RESF1: variants seen among roughly 807,000 people sequenced by gnomAD.
The protein encoded by RESF1 is retroelement silencing factor 1, also known as gonad expressed transcript.
Under a neutral mutation model 134.7 loss-of-function variants are expected in RESF1, and 65 were observed. The ratio of observed to expected loss-of-function variants is 0.48; its 90% CI spans 0.40 to 0.59. RESF1 has a LOEUF of 0.59. RESF1 is among the 20% of genes least tolerant of loss of function. The pLI is 0.00. For missense variants in RESF1, 2,274 were observed against 2,002.7 expected, an observed-to-expected ratio of 1.14 and a Z score of -2.59; for synonymous variants, 762 against 702.2, an observed-to-expected ratio of 1.09 and a Z score of -1.35.
In RESF1 at chr12:31,968,966, G is replaced by A. The variant is rs1939454575; in HGVS notation, c.-246-1223G>A. 2.6e-5 allele frequency among the ~76,000 whole-genome samples: 4 copies of A among 152,016 alleles called. 1 individual carries two copies. In the South Asian group the frequency reaches 8.3e-4, roughly 32 times the overall value. ...ACTTTTCTTTCCCTTTTTTGAGACA[G>A]ATCTTGCTGTGTCATCCAGGCTGGA... On this transcript the variant is annotated intron_variant, in intron 2 of 5. Transcript: ENST00000312561.
chr12:31,987,719 C>CTATT (rs72099377), intron 5 of RESF1, among the ~76,000 whole-genome samples: 2,392 of 147,840 alleles, frequency 0.016, 20 homozygotes, highest in South Asian at 0.031. Flanking sequence ...TTCTGATTAA[C>CTATT]TATTTATTTA....
At chr12:31,987,427 CTTT>C (rs58806380) in intron 5 of RESF1, 105 bp downstream of exon 5, 11 of 488,464 alleles carry the variant, frequency 2.3e-5, no homozygotes, top group Non-Finnish European at 2.7e-5. Flanking sequence ...TATCCATGTT[CTTT>C]TTTTTTTTTC....
In RESF1 at chr12:31,983,610, G is replaced by A. The variant is rs375061012; in HGVS notation, c.2655G>A (p.Val885=). The change falls in exon 4 of 6, where the codon GTG becomes GTA. Residue 885 remains valine, a synonymous_variant. Transcript: ENST00000312561. ...AGGAGTCAAGGAATAGTACTGTTGTGAGTAGTGATACATTACAGATTGACA... is the reference window on the plus strand; with the variant it reads ...AGGAGTCAAGGAATAGTACTGTTGTAAGTAGTGATACATTACAGATTGACA... The part of the protein sequence containing the change: ...ISQESRNSTV[V]SSDTLQIDNI... 9.3e-6 allele frequency: 15 copies of A among 1,613,966 alleles called. No individual in the cohort carries two copies. The African/African-American group carries it at 2.0e-4, about 22-fold the overall frequency.
chr12:31,972,859 T>C (rs1939543197), intron 3 of RESF1, among the ~76,000 whole-genome samples: 1 of 151,586 alleles, frequency 6.6e-6, no homozygotes, highest in Admixed American at 6.6e-5. Flanking sequence ...TTTATATAAT[T>C]ACATTTACCT....
At chr12:31,979,961 C>T (rs938380752) in intron 3 of RESF1, among the ~76,000 whole-genome samples, 1 of 151,866 alleles carries the variant, frequency 6.6e-6, no homozygotes, top group Non-Finnish European at 1.5e-5. Flanking sequence ...TTCCTGGTGA[C>T]CACCAGCTGT....
chr12:31,992,239 T>C, intron 5 of RESF1, 139 bp from the exon 6 acceptor site: 1 of 715,658 alleles, frequency 1.4e-6, no homozygotes, highest in Non-Finnish European at 2.4e-6. Flanking sequence ...AGTGAAGAGC[T>C]ATGGTTCTGA....
chr12:31,981,171 A>G lies in RESF1; in HGVS notation c.216A>G (p.Gln72=), dbSNP rs200670047. The stretch of plus-strand genomic sequence containing the variant: ...TGAATATCCAAAATTATCCTCAACA[A>G]ATTTCTGTTTCTGATATGCATAATG... ...PLLNIQNYPQ[Q]ISVSDMHNGT... is the part of the protein sequence containing the mutation. The change falls in exon 4 of 6, where the codon CAA becomes CAG. Residue 72 remains glutamine, a synonymous_variant. Coordinates refer to ENST00000312561, the MANE Select transcript of RESF1 (RefSeq NM_018169.4). 430 of 1,614,034 alleles carry G rather than the reference A, an allele frequency of 2.7e-4. 1 individual carries two copies. The highest frequency in any genetic ancestry group is 9.3e-4 in the South Asian group (85 of 91,064).
chr12:31,981,606 A>G lies in RESF1; in HGVS notation c.651A>G (p.Leu217=). Residue 217 remains leucine, a synonymous_variant, in exon 4 of 6, where the codon CTA becomes CTG. Coordinates refer to ENST00000312561, the MANE Select transcript of RESF1 (RefSeq NM_018169.4). The part of the protein sequence containing the change: ...TYPDYRPPPK[L]YRYSPQSFLP... Reference sequence around the variant, plus strand: ...CAGATTACAGACCACCTCCAAAGCTATACCGTTACTCACCACAAAGCTTTT... The same window carrying G: ...CAGATTACAGACCACCTCCAAAGCTGTACCGTTACTCACCACAAAGCTTTT... The G allele has an allele frequency of 1.2e-6, 2 of 1,614,176 alleles. No homozygotes were observed. The highest frequency in any genetic ancestry group is 1.1e-5 in the South Asian group (1 of 91,080).
At chr12:31,968,739 C>T (rs1048745239) in intron 2 of RESF1, among the ~76,000 whole-genome samples, 5 of 152,290 alleles carry the variant, frequency 3.3e-5, no homozygotes, top group African/African-American at 7.2e-5. Flanking sequence ...TGAGCCACCG[C>T]GCCCGGCCTA....
At chr12:31,963,918 C>G (rs1939336141) in intron 2 of RESF1, among the ~76,000 whole-genome samples, 1 of 152,174 alleles carries the variant, frequency 6.6e-6, no homozygotes, top group Non-Finnish European at 1.5e-5. Flanking sequence ...GCCACTTTTG[C>G]TTATTCTTCC....
chr12:31,986,735 A>T (rs1939979544), intron 4 of RESF1, among the ~76,000 whole-genome samples: 1 of 152,194 alleles, frequency 6.6e-6, no homozygotes, highest in Non-Finnish European at 1.5e-5. Context: ...TTGGAAAACT[A>T]AAGGATTTGA....
intron 3 of RESF1, among the ~76,000 whole-genome samples, chr12:31,970,930 CTGT>C (rs1265511534): frequency 6.6e-6 from 1 of 152,178 alleles, no homozygotes; most frequent in Admixed American, 6.5e-5. Flanking sequence ...ACTTTGAACT[CTGT>C]TGGTATGTCT....
At chr12:31,966,599 TA>T (rs1308854526) in intron 2 of RESF1, among the ~76,000 whole-genome samples, 4 of 152,224 alleles carry the variant, frequency 2.6e-5, no homozygotes, top group African/African-American at 7.2e-5. Flanking sequence ...TCAGAAAAAG[TA>T]GAGCAATTTA....
At position 31,991,723 on chromosome 12, in the gene RESF1, G is replaced by T. The variant is rs141838443; in HGVS notation, c.5087-655G>T. 3.9e-5 allele frequency among the ~76,000 whole-genome samples: 6 copies of T among 152,128 alleles called. No homozygotes were observed. The East Asian group carries it at 1.2e-3, about 29-fold the overall frequency. Reference sequence around the variant, plus strand: ...TGCAACCTCTGCCCAGCTAATTTTTGTATTTTTAGTCAAAACAGGGTTTCG... The same window carrying T: ...TGCAACCTCTGCCCAGCTAATTTTTTTATTTTTAGTCAAAACAGGGTTTCG... On this transcript the variant is annotated intron_variant, in intron 5 of 5. Transcript: ENST00000312561.
Position 31,987,518 on chromosome 12 carries a change from A to T in RESF1, c.5086+196A>T, listed in dbSNP as rs79587220. 4.4e-3 allele frequency among the ~76,000 whole-genome samples: 669 copies of T among 151,044 alleles called. 3 individuals are homozygous for T. Among genetic ancestry groups the T allele is most frequent in the Middle Eastern group, 6.8e-3 (2 of 294 alleles). On this transcript the variant is annotated intron_variant, in intron 5 of 5. Transcript: ENST00000312561. The stretch of plus-strand genomic sequence containing the variant: ...GCTGTGGAATGAAAGGCTGAGCTTT[A>T]TTTTATTTTAATAGGAAAATAAGTC...
At chr12:31,988,899 G>A (rs140933015) in intron 5 of RESF1, among the ~76,000 whole-genome samples, 78 of 151,646 alleles carry the variant, frequency 5.1e-4, no homozygotes, top group African/African-American at 1.8e-3. Flanking sequence ...TCACTATGTT[G>A]GCCAGGCTGG....
In RESF1 at chr12:31,967,138, T is replaced by G. The variant is rs563074371; in HGVS notation, c.-246-3051T>G. On this transcript the variant is annotated intron_variant, in intron 2 of 5. Coordinates refer to ENST00000312561, the MANE Select transcript of RESF1 (RefSeq NM_018169.4). ...CTTGCTGGCTATAAAATGGCCACAG[T>G]TTGGTGTTCTCATCTGGCTTGGTGT... 2.0e-5 allele frequency among the ~76,000 whole-genome samples: 3 copies of G among 152,200 alleles called. No individual in the cohort carries two copies. The East Asian group carries it at 5.8e-4, about 29-fold the overall frequency.
rs529070440 is a variant in RESF1 at position 31,983,290 on chromosome 12, A to C, written c.2335A>C (p.Ile779Leu). The change falls in exon 4 of 6, where the codon ATA (isoleucine) becomes CTA (leucine). Residue 779 changes from isoleucine to leucine, a missense_variant. Transcript: ENST00000312561. ...SEVKTLSVKG[I>L]TPAVLPETVY... Reference sequence around the variant, plus strand: ...GGTCAAAACATTGTCTGTCAAAGGAATAACACCTGCAGTGTTACCTGAAAC... The same window carrying C: ...GGTCAAAACATTGTCTGTCAAAGGACTAACACCTGCAGTGTTACCTGAAAC... 6.2e-7 allele frequency: 1 copy of C among 1,613,984 alleles called. No homozygotes were observed. Among genetic ancestry groups the C allele is most frequent in the Non-Finnish European group, 8.5e-7 (1 of 1,179,932 alleles).
Position 31,985,977 on chromosome 12 carries a change from G to T in RESF1, c.5002+20G>T, listed in dbSNP as rs769895541. The T allele has an allele frequency of 1.6e-5, 23 of 1,444,494 alleles. No homozygotes were observed. Among genetic ancestry groups the T allele is most frequent in the African/African-American group, 2.9e-5 (2 of 68,372 alleles). 89.5% of individuals were successfully genotyped at this position (1,444,494 alleles called of 1,614,324 possible). On this transcript the variant is annotated intron_variant, in intron 4 of 5. Transcript: ENST00000312561. ...TGCAAGGTCCAGTATGATTTTCTTG[G>T]TGGTGTCTACAATATTGTAAAGAGT...
Sources: allele counts gnomAD v4.1 joint callset (sites outside exome capture counted in the v4.1 genomes callset), GRCh38; gene constraint gnomAD v4.1.1; transcripts MANE v1.5; gene names NCBI Gene and HGNC (gene_info 2026-07-23, HGNC 2026-07-21).